The following RAB14 variants were observed in gnomAD, a reference collection of about 807,000 sequenced individuals.
RAB14 encodes ras-related protein Rab-14.
RAB14 carries 3 observed loss-of-function variants against 31.1 expected under a neutral mutation model. The ratio of observed to expected loss-of-function variants is 0.10; its 90% confidence interval spans 0.04 to 0.25. The LOEUF (loss-of-function observed/expected upper bound fraction) is 0.25, where lower values mean the gene tolerates loss of function less well. Among genes scored for constraint, RAB14 ranks in the 10% least tolerant of loss-of-function variants. The pLI is 1.00. For synonymous variants in RAB14, 85 were observed against 84.9 expected (o/e 1.00, Z 0.00); for missense variants, 111 against 260.1 (o/e 0.43, Z 3.94).
intron 1 of RAB14, among the ~76,000 whole-genome samples, chr9:121,198,296 C>A (rs575784676): frequency 6.6e-6 from 1 of 152,042 alleles, no homozygotes; most frequent in African/African-American, 2.4e-5. Context: ...ACATTATTTC[C>A]GCATTTACTG....
intron 2 of RAB14, among the ~76,000 whole-genome samples, chr9:121,193,086 C>A (rs2053695700): frequency 6.6e-6 from 1 of 152,130 alleles, no homozygotes; most frequent in African/African-American, 2.4e-5. Flanking sequence ...CCTTGAAACA[C>A]TGATACTTCC....
chr9:121,201,392 GTT>G (rs2053777421), intron 1 of RAB14, among the ~76,000 whole-genome samples: 1 of 152,080 alleles, frequency 6.6e-6, no homozygotes, highest in African/African-American at 2.4e-5. Context: ...CGCCCCGCCG[GTT>G]GGGGAGGGCA....
At chr9:121,184,227 G>A (rs1012923813) in intron 5 of RAB14, among the ~76,000 whole-genome samples, 1 of 152,158 alleles carries the variant, frequency 6.6e-6, no homozygotes, top group Non-Finnish European at 1.5e-5. Context: ...GTATACACAA[G>A]GGGCAGCTGG....
intron 7 of RAB14, 123 bp downstream of exon 7, chr9:121,182,807 A>G: frequency 1.7e-6 from 1 of 572,868 alleles, no homozygotes; most frequent in South Asian, 5.6e-5. Context: ...TTCCTGCAGT[A>G]AGCATTACAC....
chr9:121,186,091 G>C (rs769296781), intron 5 of RAB14, among the ~76,000 whole-genome samples: 7 of 152,098 alleles, frequency 4.6e-5, no homozygotes, highest in African/African-American at 1.4e-4. Context: ...TGAGACACAA[G>C]CCTTGTTCCT....
intron 1 of RAB14, among the ~76,000 whole-genome samples, chr9:121,201,283 G>A (rs975133783): frequency 6.6e-6 from 1 of 152,146 alleles, no homozygotes; most frequent in Non-Finnish European, 1.5e-5. Flanking sequence ...GGGGAACAGC[G>A]GCGAGAGGGG....
intron 1 of RAB14, among the ~76,000 whole-genome samples, chr9:121,197,815 T>G (rs1253155542): frequency 1.3e-5 from 2 of 152,178 alleles, no homozygotes; most frequent in African/African-American, 4.8e-5. Flanking sequence ...TATTAGTGCA[T>G]TTAATGCACC....
chr9:121,201,077 CCGGCT>C (rs1235509096), intron 1 of RAB14, among the ~76,000 whole-genome samples: 2 of 152,188 alleles, frequency 1.3e-5, no homozygotes, highest in Middle Eastern at 3.4e-3. Context: ...CCGGCCCGGC[CCGGCT>C]GCAGGGCCGG....
At chr9:121,194,912 G>A (rs1217483608) in intron 1 of RAB14, among the ~76,000 whole-genome samples, 2 of 152,136 alleles carry the variant, frequency 1.3e-5, no homozygotes, top group Non-Finnish European at 2.9e-5. Context: ...ATTACATTTA[G>A]TGAAAGTAGA....
At chr9:121,185,623 A>AT (rs1343450935) in intron 5 of RAB14, among the ~76,000 whole-genome samples, 1 of 152,124 alleles carries the variant, frequency 6.6e-6, no homozygotes, top group African/African-American at 2.4e-5. Flanking sequence ...CAATTTTGTC[A>AT]TTTTGAGAAT....
At chr9:121,198,396 G>C (rs1434399164) in intron 1 of RAB14, among the ~76,000 whole-genome samples, 2 of 152,110 alleles carry the variant, frequency 1.3e-5, no homozygotes, top group Non-Finnish European at 1.5e-5. Context: ...ATATTTTTGG[G>C]AGTTTTTTAA....
chr9:121,179,393 T>C lies in RAB14; in HGVS notation c.*2003A>G, dbSNP rs1220565716. The C allele has an allele frequency of 6.6e-6, 1 of 152,662 alleles. No individual in the cohort carries two copies. The highest frequency in any genetic ancestry group is 2.4e-5 in the African/African-American group (1 of 41,456). 9.5% of individuals were successfully genotyped at this position (152,662 alleles called of 1,614,324 possible). On this transcript the variant is annotated 3_prime_UTR_variant, in exon 8 of 8. Coordinates refer to ENST00000373840, the MANE Select transcript of RAB14 (RefSeq NM_016322.4). Reference sequence around the variant, plus strand: ...ACAGCAGTCTGAATAAATCCTTCAGTCACAAAAACAATAAAACCCACTGTA... The same window carrying C: ...ACAGCAGTCTGAATAAATCCTTCAGCCACAAAAACAATAAAACCCACTGTA...
rs2053613564 is a variant in RAB14, at chr9:121,178,706, T to C, written c.*2690A>G. ...CCACCAACCAAAAAAAAATAATAAG[T>C]TACTCCATCAAACACGTTATTATCC... On this transcript the variant is annotated 3_prime_UTR_variant, in exon 8 of 8. Coordinates refer to ENST00000373840, the MANE Select transcript of RAB14 (RefSeq NM_016322.4). 6.6e-6 allele frequency: 1 copy of C among 152,240 alleles called. No homozygotes were observed. Among genetic ancestry groups the C allele is most frequent in the Non-Finnish European group, 1.5e-5 (1 of 68,006 alleles). The allele number at this position is 152,240 out of a possible 1,614,324, so 9.4% of individuals were successfully genotyped here. A position where few individuals can be genotyped will look rare whatever the true frequency, so the allele number is the denominator to read the frequency against.
At chr9:121,185,169 G>T (rs933516831) in intron 5 of RAB14, among the ~76,000 whole-genome samples, 2 of 152,274 alleles carry the variant, frequency 1.3e-5, no homozygotes, top group South Asian at 4.1e-4. Context: ...ACACAGGGCG[G>T]TAAGGTTAAT....
chr9:121,185,301 A>C (rs544367588), intron 5 of RAB14, among the ~76,000 whole-genome samples: 2 of 152,284 alleles, frequency 1.3e-5, no homozygotes, highest in African/African-American at 4.8e-5. Flanking sequence ...ACCCTTCACC[A>C]AACTTCCCTA....
Position 121,178,853 on chromosome 9 carries a change from G to C in RAB14, c.*2543C>G, listed in dbSNP as rs529831797. Reference sequence around the variant, plus strand: ...GGCAATGAGCAACCTCAAGAGGCAGGTGACTGCACAAGCAGTAAGCTATGG... The same window carrying C: ...GGCAATGAGCAACCTCAAGAGGCAGCTGACTGCACAAGCAGTAAGCTATGG... On this transcript the variant is annotated 3_prime_UTR_variant, in exon 8 of 8. Coordinates refer to ENST00000373840, the MANE Select transcript of RAB14 (RefSeq NM_016322.4). 1 of 152,214 alleles carries C rather than the reference G, an allele frequency of 6.6e-6. No homozygotes were observed. The highest frequency in any genetic ancestry group is 2.4e-5 in the African/African-American group (1 of 41,456). 9.4% of individuals were successfully genotyped at this position (152,214 alleles called of 1,614,324 possible). A position where few individuals can be genotyped will look rare whatever the true frequency, so the allele number is the denominator to read the frequency against.
intron 3 of RAB14, 59 bp from the exon 4 acceptor site, chr9:121,190,790 G>A: frequency 6.5e-7 from 1 of 1,540,286 alleles, no homozygotes; most frequent in Non-Finnish European, 8.9e-7. Context: ...ATTAAGCCTA[G>A]AGGGGGAAAA....
Position 121,178,429 on chromosome 9 carries a change from G to A in RAB14, c.*2967C>T, listed in dbSNP as rs2132017623. The A allele has an allele frequency of 6.5e-6, 1 of 152,684 alleles. No homozygotes were observed. The highest frequency in any genetic ancestry group is 1.5e-5 in the Non-Finnish European group (1 of 68,030). 9.5% of individuals were successfully genotyped at this position (152,684 alleles called of 1,614,324 possible). On this transcript the variant is annotated 3_prime_UTR_variant, in exon 8 of 8. Coordinates refer to ENST00000373840, the MANE Select transcript of RAB14 (RefSeq NM_016322.4). ...GGATAAATTATCTTTTCTCTAAAATGCCACATGAACCCTCTCTATATTCCC... is the reference window on the plus strand; with the variant it reads ...GGATAAATTATCTTTTCTCTAAAATACCACATGAACCCTCTCTATATTCCC...
At chr9:121,195,292 A>G (rs1001481268) in intron 1 of RAB14, among the ~76,000 whole-genome samples, 1 of 152,120 alleles carries the variant, frequency 6.6e-6, no homozygotes, top group Non-Finnish European at 1.5e-5. Context: ...TCCCCATTCA[A>G]ACCTGGGTAA....
Sources: allele counts gnomAD v4.1 joint callset (sites outside exome capture counted in the v4.1 genomes callset), GRCh38; gene constraint gnomAD v4.1.1; transcripts MANE v1.5; gene names NCBI Gene and HGNC (gene_info 2026-07-23, HGNC 2026-07-21).